The following IL7 variants were observed in gnomAD, a reference collection of about 807,000 sequenced individuals.
The protein encoded by IL7 is interleukin 7, also known as interleukin-7.
In IL7, 3 loss-of-function variants were observed where a neutral mutation model predicts 21.6. That is an observed-to-expected ratio of 0.14 (90% CI 0.06 to 0.36). The LOEUF is 0.36. Among genes scored for constraint, IL7 ranks in the 10% least tolerant of loss-of-function variants. The probability of loss-of-function intolerance (pLI) is 1.00; values close to 1 mark genes in which losing one functional copy is unlikely to be tolerated. For missense variants in IL7, 175 were observed against 200.2 expected, an observed-to-expected ratio of 0.87 and a Z score of 0.76; for synonymous variants, 62 against 68.1, an observed-to-expected ratio of 0.91 and a Z score of 0.44.
At chr8:78,746,429 C>G (rs1351322679) in intron 2 of IL7, among the ~76,000 whole-genome samples, 4 of 152,218 alleles carry the variant, frequency 2.6e-5, no homozygotes, top group Non-Finnish European at 5.9e-5. Flanking sequence ...CTTCAATATC[C>G]TTCCAAGATA....
At chr8:78,736,787 C>A (rs1382180150) in intron 4 of IL7, among the ~76,000 whole-genome samples, 1 of 152,036 alleles carries the variant, frequency 6.6e-6, no homozygotes, top group African/African-American at 2.4e-5. Flanking sequence ...GTGTTAACTA[C>A]TGTGAGGTAT....
At chr8:78,759,827 C>G (rs1465579329) in intron 2 of IL7, among the ~76,000 whole-genome samples, 2 of 152,102 alleles carry the variant, frequency 1.3e-5, no homozygotes, top group African/African-American at 4.8e-5. Context: ...ATTCATAACA[C>G]CCAACAAGTA....
intron 3 of IL7, among the ~76,000 whole-genome samples, chr8:78,702,653 T>C (rs1187734259): frequency 2.0e-5 from 3 of 152,182 alleles, no homozygotes; most frequent in Non-Finnish European, 2.9e-5. Context: ...GAGTCTGGTA[T>C]GTTGTTTCTT....
chr8:78,681,623 G>T (rs879727934), intron 4 of IL7, among the ~76,000 whole-genome samples: 2 of 152,092 alleles, frequency 1.3e-5, no homozygotes, highest in Non-Finnish European at 2.9e-5. Context: ...ATTGATGCTA[G>T]ATTTTTCTTA....
At chr8:78,687,261 A>G (rs1246807552) in intron 3 of IL7, among the ~76,000 whole-genome samples, 1 of 151,908 alleles carries the variant, frequency 6.6e-6, no homozygotes, top group Non-Finnish European at 1.5e-5. Context: ...GGGTAGCCAC[A>G]TTAATGCTAT....
intron 3 of IL7, among the ~76,000 whole-genome samples, chr8:78,686,858 A>T (rs1050394565): frequency 5.9e-5 from 9 of 152,152 alleles, no homozygotes; most frequent in Non-Finnish European, 8.8e-5. Context: ...AATATCATTT[A>T]AAAATTATTA....
intron 2 of IL7, among the ~76,000 whole-genome samples, chr8:78,752,519 G>A (rs1055115784): frequency 2.6e-5 from 4 of 152,078 alleles, no homozygotes; most frequent in Admixed American, 2.0e-4. Flanking sequence ...CCAGTGATTA[G>A]TGATCTTGAG....
intron 2 of IL7, among the ~76,000 whole-genome samples, chr8:78,744,448 A>T (rs1420043667): frequency 1.3e-5 from 2 of 152,130 alleles, no homozygotes; most frequent in Non-Finnish European, 2.9e-5. Flanking sequence ...AGGCTGAAAA[A>T]GGTGACTTGC....
intron 2 of IL7, among the ~76,000 whole-genome samples, chr8:78,759,469 T>C (rs1321447579): frequency 6.6e-6 from 1 of 151,660 alleles, no homozygotes; most frequent in Non-Finnish European, 1.5e-5. Flanking sequence ...TCTGATTCTG[T>C]CTCAACCATG....
chr8:78,721,018 A>G (rs1250671444), intron 5 of IL7: 2 of 151,954 alleles, frequency 1.3e-5, no homozygotes, highest in Admixed American at 6.6e-5. Context: ...CTTTGTACTT[A>G]CCATTGAAAA....
intron 2 of IL7, among the ~76,000 whole-genome samples, chr8:78,758,681 C>T (rs72661356): frequency 0.044 from 6,722 of 152,116 alleles, 205 homozygotes; most frequent in Middle Eastern, 0.085. Context: ...CTCATGCTCT[C>T]CTGGCCTGCA....
At chr8:78,791,602 T>C (rs1813696306) in intron 2 of IL7, among the ~76,000 whole-genome samples, 1 of 152,154 alleles carries the variant, frequency 6.6e-6, no homozygotes, top group Non-Finnish European at 1.5e-5. Flanking sequence ...AACACACCAG[T>C]GCACTCCAGC....
chr8:78,797,781 G>A (rs934547030), intron 2 of IL7: 1 of 230,948 alleles, frequency 4.3e-6, no homozygotes, highest in African/African-American at 2.3e-5. Context: ...AATGGGAGGT[G>A]AGGAAATTTA....
chr8:78,760,852 C>T, intron 2 of IL7: 4 of 1,557,562 alleles, frequency 2.6e-6, no homozygotes, highest in South Asian at 2.4e-5. Context: ...CAATATTTTC[C>T]ATCACTTCGT....
intron 4 of IL7, among the ~76,000 whole-genome samples, chr8:78,678,185 A>G (rs1418726766): frequency 6.6e-6 from 1 of 152,122 alleles, no homozygotes; most frequent in African/African-American, 2.4e-5. Context: ...AGAATGCCTT[A>G]ACTATCTGGG....
At chr8:78,699,321 T>C (rs1271734162) in intron 3 of IL7, among the ~76,000 whole-genome samples, 1 of 152,152 alleles carries the variant, frequency 6.6e-6, no homozygotes, top group Non-Finnish European at 1.5e-5. Flanking sequence ...GAGCCATATA[T>C]TTTTAGAAAT....
intron 2 of IL7, among the ~76,000 whole-genome samples, chr8:78,745,559 T>C (rs1811953198): frequency 6.6e-6 from 1 of 152,252 alleles, no homozygotes. Context: ...AACTTTGGTC[T>C]AGATACTTCA....
At chr8:78,804,301 C>A (rs3888020) in intron 1 of IL7, among the ~76,000 whole-genome samples, 78,319 of 151,872 alleles carry the variant, frequency 0.52, 22,639 homozygotes, top group African/African-American at 0.79. Flanking sequence ...AACAAAAAAA[C>A]CCAGAAGCTG....
intron 2 of IL7, among the ~76,000 whole-genome samples, chr8:78,773,384 C>T (rs1213468761): frequency 3.3e-5 from 5 of 152,068 alleles, no homozygotes; most frequent in Admixed American, 1.3e-4. Context: ...TCATAACGAA[C>T]GGTATTGAAC....
Sources: allele counts gnomAD v4.1 joint callset (sites outside exome capture counted in the v4.1 genomes callset), GRCh38; gene constraint gnomAD v4.1.1; transcripts MANE v1.5; gene names NCBI Gene and HGNC (gene_info 2026-07-23, HGNC 2026-07-21).